The following SESTD1 variants were observed in gnomAD, a reference collection of about 807,000 sequenced individuals.
The protein encoded by SESTD1 is SEC14 domain and spectrin repeat-containing protein 1.
In SESTD1, 43 loss-of-function variants were observed where a neutral mutation model predicts 101.7. The ratio of observed to expected loss-of-function variants is 0.42; its 90% CI spans 0.33 to 0.55. SESTD1 has a LOEUF of 0.55. Among genes scored for constraint, SESTD1 ranks in the 20% least tolerant of loss-of-function variants. The pLI is 0.07. For synonymous variants in SESTD1, 283 were observed against 286.8 expected, an observed-to-expected ratio of 0.99 and a Z score of 0.13; for missense variants, 647 against 815.1, an observed-to-expected ratio of 0.79 and a Z score of 2.51.
chr2:179,235,506 G>A (rs2047052790), intron 1 of SESTD1, among the ~76,000 whole-genome samples: 1 of 152,102 alleles, frequency 6.6e-6, no homozygotes, highest in Non-Finnish European at 1.5e-5. Flanking sequence ...CTCAACATAT[G>A]TCCAAACCCA....
rs373121795 is a variant in SESTD1, at chr2:179,119,945, T to G, written c.1442+1825A>C. Reference sequence around the variant, plus strand: ...CCTCTTTTCTTTAAAAATTACCCAGTCTCGGCCGGGTGCGGTGGCTCACGC... The same window carrying G: ...CCTCTTTTCTTTAAAAATTACCCAGGCTCGGCCGGGTGCGGTGGCTCACGC... On this transcript the variant is annotated intron_variant, in intron 13 of 17. Coordinates refer to ENST00000428443, the MANE Select transcript of SESTD1 (RefSeq NM_178123.5). Among the ~76,000 whole-genome samples, 8 of 152,220 alleles carry G rather than the reference T, an allele frequency of 5.3e-5. No homozygotes were observed. The East Asian group carries it at 9.7e-4, about 18-fold the overall frequency.
chr2:179,102,077 T>C lies in SESTD1; in HGVS notation c.*7822A>G, dbSNP rs1968618. 0.6 allele frequency: 90,446 copies of C among 151,930 alleles called. 28,607 individuals are homozygous for C. Among genetic ancestry groups the C allele is most frequent in the South Asian group, 0.8 (3,867 of 4,816 alleles). The allele number at this position is 151,930 out of a possible 1,614,324, so 9.4% of individuals were successfully genotyped here. Reference sequence around the variant, plus strand: ...TCCATCCCTAAATACACATTCACCTTTGATGCCTTAAAAATGGACTTCTCA... The same window carrying C: ...TCCATCCCTAAATACACATTCACCTCTGATGCCTTAAAAATGGACTTCTCA... On this transcript the variant is annotated 3_prime_UTR_variant, in exon 18 of 18. Coordinates refer to ENST00000428443, the MANE Select transcript of SESTD1 (RefSeq NM_178123.5).
intron 1 of SESTD1, among the ~76,000 whole-genome samples, chr2:179,257,409 A>C (rs2047413908): frequency 6.6e-6 from 1 of 152,242 alleles, no homozygotes; most frequent in African/African-American, 2.4e-5. Context: ...AGATATACGT[A>C]GATCATTTTT....
intron 5 of SESTD1, among the ~76,000 whole-genome samples, chr2:179,161,433 C>T (rs1179210338): frequency 1.3e-5 from 2 of 152,048 alleles, no homozygotes; most frequent in South Asian, 2.1e-4. Flanking sequence ...GAGGCCAAGG[C>T]GAGTGGATCA....
intron 2 of SESTD1, among the ~76,000 whole-genome samples, chr2:179,189,441 T>C (rs2046286596): frequency 6.6e-6 from 1 of 152,044 alleles, no homozygotes; most frequent in Admixed American, 6.6e-5. Flanking sequence ...AAGCTATCTA[T>C]AGACAAACCC....
At chr2:179,198,817 G>A (rs1220633968) in intron 1 of SESTD1, among the ~76,000 whole-genome samples, 1 of 151,602 alleles carries the variant, frequency 6.6e-6, no homozygotes, top group Non-Finnish European at 1.5e-5. Context: ...TGTGTAGAGG[G>A]AAATTTATAG....
intron 1 of SESTD1, among the ~76,000 whole-genome samples, chr2:179,220,350 C>T (rs549641329): frequency 1.1e-3 from 173 of 152,154 alleles, no homozygotes; most frequent in Admixed American, 2.2e-3. Context: ...ACAGATAAAT[C>T]CTTAGTTTGA....
intron 1 of SESTD1, among the ~76,000 whole-genome samples, chr2:179,196,745 G>A (rs1251192337): frequency 6.6e-6 from 1 of 152,108 alleles, no homozygotes; most frequent in East Asian, 1.9e-4. Flanking sequence ...GCAGCTGAGG[G>A]TCCTGTCTGT....
At chr2:179,114,976 A>T in intron 16 of SESTD1, 89 bp downstream of exon 16, 1 of 1,055,796 alleles carries the variant, frequency 9.5e-7, no homozygotes, top group Non-Finnish European at 1.4e-6. Flanking sequence ...AAAATAGATT[A>T]GTCATATAGT....
At chr2:179,131,642 G>A (rs2045016364) in intron 10 of SESTD1, among the ~76,000 whole-genome samples, 1 of 152,146 alleles carries the variant, frequency 6.6e-6, no homozygotes, top group Non-Finnish European at 1.5e-5. Flanking sequence ...CTCTTTCTCA[G>A]TAATGAAGAA....
At chr2:179,247,615 T>A (rs1035705673) in intron 1 of SESTD1, among the ~76,000 whole-genome samples, 10 of 151,784 alleles carry the variant, frequency 6.6e-5, no homozygotes, top group Admixed American at 1.3e-4. Flanking sequence ...TTTTTTTTCT[T>A]TTTTTGTAGA....
rs115492238 is a variant in SESTD1 at position 179,170,882 on chromosome 2, G to A, written c.369+1238C>T. ...ACTCCCTAGGGTTCGAAGCTCCTGC[G>A]CTCTGGATCATTCTAGACCTTGCAC... On this transcript the variant is annotated intron_variant, in intron 5 of 17. Coordinates refer to ENST00000428443, the MANE Select transcript of SESTD1 (RefSeq NM_178123.5). Among the ~76,000 whole-genome samples the A allele has an allele frequency of 7.5e-3, 1,149 of 152,258 alleles. 5 individuals are homozygous for A. Among genetic ancestry groups the A allele is most frequent in the African/African-American group, 0.019 (784 of 41,548 alleles).
Position 179,102,713 on chromosome 2 carries a change from A to G in SESTD1, c.*7186T>C, listed in dbSNP as rs914691972. ...ACTAATACAGGTGAATGCTGTATGT[A>G]ATAGAACAGCTGGGAGAGGTAAAAG... On this transcript the variant is annotated 3_prime_UTR_variant, in exon 18 of 18. Transcript: ENST00000428443. 1.3e-4 allele frequency: 20 copies of G among 152,294 alleles called. No individual in the cohort carries two copies. Among genetic ancestry groups the G allele is most frequent in the African/African-American group, 4.8e-4 (20 of 41,566 alleles). The allele number at this position is 152,294 out of a possible 1,614,324, so 9.4% of individuals were successfully genotyped here. A position where few individuals can be genotyped will look rare whatever the true frequency, so the allele number is the denominator to read the frequency against.
At chr2:179,140,849 C>G (rs1400238636) in intron 9 of SESTD1, among the ~76,000 whole-genome samples, 1 of 152,156 alleles carries the variant, frequency 6.6e-6, no homozygotes, top group Non-Finnish European at 1.5e-5. Context: ...AGGGTTATAA[C>G]TCCTTCCCTG....
At chr2:179,195,755 T>A (rs549943150) in intron 1 of SESTD1, among the ~76,000 whole-genome samples, 1 of 151,684 alleles carries the variant, frequency 6.6e-6, no homozygotes. Context: ...TACGTAAAGG[T>A]TACATATGAA....
At chr2:179,127,466 A>C (rs1270382925) in intron 10 of SESTD1, among the ~76,000 whole-genome samples, 1 of 152,238 alleles carries the variant, frequency 6.6e-6, no homozygotes, top group Non-Finnish European at 1.5e-5. Context: ...TGAAGGTATA[A>C]AACATTAATC....
chr2:179,214,191 G>T (rs2105520026), intron 1 of SESTD1, among the ~76,000 whole-genome samples: 1 of 134,412 alleles, frequency 7.4e-6, no homozygotes, highest in Non-Finnish European at 1.6e-5. Context: ...CTGGCAAATT[G>T]GATAAAGAGT....
chr2:179,241,918 T>C (rs1303389823), intron 1 of SESTD1, among the ~76,000 whole-genome samples: 4 of 139,702 alleles, frequency 2.9e-5, no homozygotes, highest in Non-Finnish European at 6.1e-5. Context: ...CGAGACATTG[T>C]CTCATAAAAA....
At chr2:179,199,396 T>C (rs1184698007) in intron 1 of SESTD1, among the ~76,000 whole-genome samples, 3 of 152,160 alleles carry the variant, frequency 2.0e-5, no homozygotes, top group Non-Finnish European at 4.4e-5. Flanking sequence ...ACTGGGACCA[T>C]TCCTTCTGAA....
Sources: gnomAD v4.1 joint callset for allele counts (sites outside exome capture counted in the v4.1 genomes callset) on GRCh38, gnomAD v4.1.1 for gene constraint, MANE v1.5 for transcripts, NCBI Gene and HGNC (gene_info 2026-07-23, HGNC 2026-07-21) for gene names.